The following AEBP2 variants were observed in gnomAD, a reference collection of about 807,000 sequenced individuals.
The protein encoded by AEBP2 is AE binding protein 2, also known as zinc finger protein AEBP2.
Under a neutral mutation model 50.8 loss-of-function variants are expected in AEBP2, and 10 were observed. The observed-to-expected ratio is 0.20, with a 90% CI of 0.12 to 0.33. The LOEUF (loss-of-function observed/expected upper bound fraction) is 0.33. AEBP2 is among the 10% of genes least tolerant of loss of function. AEBP2 has a pLI of 1.00. For missense variants in AEBP2, 570 were observed against 688.0 expected, an observed-to-expected ratio of 0.83 and a Z score of 1.92; for synonymous variants, 296 against 261.3, an observed-to-expected ratio of 1.13 and a Z score of -1.28.
intron 7 of AEBP2, among the ~76,000 whole-genome samples, chr12:19,516,710 T>G (rs61912796): frequency 0.065 from 9,863 of 152,112 alleles, 433 homozygotes; most frequent in South Asian, 0.2. Context: ...TTCTGTAGAT[T>G]TAATTTTCCT....
chr12:19,432,005 TC>T (rs1320651303), intron 1 of AEBP2, among the ~76,000 whole-genome samples: 1 of 152,112 alleles, frequency 6.6e-6, no homozygotes, highest in African/African-American at 2.4e-5. Context: ...CTAAGCTGGG[TC>T]TGTTGCTGGG....
intron 1 of AEBP2, chr12:19,440,876 A>G (rs1947945573): frequency 9.8e-7 from 1 of 1,015,452 alleles, no homozygotes; most frequent in Non-Finnish European, 1.4e-6. Flanking sequence ...TAAACAAAAA[A>G]AGGACTGTTC....
intron 1 of AEBP2, among the ~76,000 whole-genome samples, chr12:19,416,735 G>A (rs779170127): frequency 1.4e-5 from 2 of 144,626 alleles, no homozygotes; most frequent in Non-Finnish European, 3.0e-5. Context: ...GCAATTCTCC[G>A]GGTTCAGGAT....
At chr12:19,511,787 A>T (rs1346974989) in intron 5 of AEBP2, among the ~76,000 whole-genome samples, 2 of 151,350 alleles carry the variant, frequency 1.3e-5, no homozygotes, top group Non-Finnish European at 1.5e-5. Flanking sequence ...CAGAGCTTTT[A>T]CTGAATCTAG....
intron 5 of AEBP2, among the ~76,000 whole-genome samples, chr12:19,503,478 G>GTTGT (rs1022870608): frequency 2.6e-5 from 4 of 152,054 alleles, no homozygotes; most frequent in African/African-American, 7.2e-5. Context: ...CTTTGCTAAA[G>GTTGT]TTGTTTATCA....
At chr12:19,457,135 T>C in intron 1 of AEBP2, 1 of 1,598,648 alleles carries the variant, frequency 6.3e-7, no homozygotes, top group Non-Finnish European at 8.5e-7. Flanking sequence ...AATTTCCTCA[T>C]ATCTCTTCTG....
At chr12:19,436,010 A>G (rs949192561), upstream of AEBP2, among the ~76,000 whole-genome samples, 1 of 152,184 alleles carries the variant, frequency 6.6e-6, no homozygotes, top group Non-Finnish European at 1.5e-5. Context: ...CTGCATTCCC[A>G]GGAGGTTAGG....
chr12:19,518,460 T>G lies in AEBP2; in HGVS notation c.*343T>G, dbSNP rs763793787. 4 of 1,240,810 alleles carry G rather than the reference T, an allele frequency of 3.2e-6. No individual in the cohort carries two copies. The highest frequency in any genetic ancestry group is 4.0e-6 in the Non-Finnish European group (4 of 990,478). 76.9% of individuals were successfully genotyped at this position (1,240,810 alleles called of 1,614,324 possible). A position where few individuals can be genotyped will look rare whatever the true frequency, so the allele number is the denominator to read the frequency against. ...CTGCTTTTTTTTTTCTTTTCTTCCCTTTAGTGATTTCAGTAGTTTATATTG... is the reference window on the plus strand; with the variant it reads ...CTGCTTTTTTTTTTCTTTTCTTCCCGTTAGTGATTTCAGTAGTTTATATTG... On this transcript the variant is annotated 3_prime_UTR_variant, in exon 8 of 8. Transcript: ENST00000266508.
At chr12:19,506,456 A>G (rs1250106263) in intron 5 of AEBP2, among the ~76,000 whole-genome samples, 1 of 152,166 alleles carries the variant, frequency 6.6e-6, no homozygotes, top group African/African-American at 2.4e-5. Context: ...TTGAGGTACA[A>G]TTTATATATA....
At position 19,485,682 on chromosome 12, in the gene AEBP2, CAGAGAGAG is replaced by C. The variant is rs370301903; in HGVS notation, c.988-8108_988-8101del. Among the ~76,000 whole-genome samples, 5 of 123,334 alleles carry C rather than the reference CAGAGAGAG, an allele frequency of 4.1e-5. No individual in the cohort carries two copies. The South Asian group carries it at 1.3e-3, about 31-fold the overall frequency. The allele number at this position is 123,334 out of a possible 152,430, so 80.9% of individuals were successfully genotyped here. A position where few individuals can be genotyped will look rare whatever the true frequency, so the allele number is the denominator to read the frequency against. On this transcript the variant is annotated intron_variant, in intron 3 of 7. Coordinates refer to ENST00000266508, the MANE Select transcript of AEBP2 (RefSeq NM_153207.5). ...TGAGACTGCACTCCAGCCTGGGTGA[CAGAGAGAG>C]AGAGAGAGACCCTGTCTCAAAAAAA... is the stretch of plus-strand genomic sequence containing the variant.
chr12:19,495,751 C>G (rs927659399), intron 4 of AEBP2, among the ~76,000 whole-genome samples: 2 of 151,802 alleles, frequency 1.3e-5, no homozygotes, highest in Non-Finnish European at 2.9e-5. Context: ...TCTGTGTTCT[C>G]CAGGCTGGTC....
chr12:19,459,346 C>T (rs192240098), intron 1 of AEBP2, among the ~76,000 whole-genome samples: 14 of 152,148 alleles, frequency 9.2e-5, no homozygotes, highest in Admixed American at 8.5e-4. Flanking sequence ...ATTCTCCTGC[C>T]TTAGCCTCCT....
chr12:19,497,989 G>C (rs1193473218), intron 4 of AEBP2, among the ~76,000 whole-genome samples: 1 of 152,164 alleles, frequency 6.6e-6, no homozygotes, highest in Non-Finnish European at 1.5e-5. Context: ...ACCTACTTTG[G>C]AACTACTGTT....
chr12:19,416,993 T>A (rs1322457931), intron 1 of AEBP2, among the ~76,000 whole-genome samples: 1 of 151,916 alleles, frequency 6.6e-6, no homozygotes, highest in Non-Finnish European at 1.5e-5. Flanking sequence ...TGCCTCAGCC[T>A]CCTGAGTAGC....
intron 3 of AEBP2, among the ~76,000 whole-genome samples, chr12:19,489,921 C>T (rs1592762821): frequency 7.4e-6 from 1 of 136,046 alleles, no homozygotes; most frequent in African/African-American, 2.7e-5. Flanking sequence ...AAAGATAAAA[C>T]AATTTTCTGT....
intron 4 of AEBP2, among the ~76,000 whole-genome samples, chr12:19,494,948 C>G (rs1304388696): frequency 6.6e-6 from 1 of 151,998 alleles, no homozygotes; most frequent in Non-Finnish European, 1.5e-5. Flanking sequence ...ACACTGTCGC[C>G]CAGGCTGGAG....
chr12:19,450,193 G>A (rs1459572465), intron 1 of AEBP2, among the ~76,000 whole-genome samples: 2 of 151,804 alleles, frequency 1.3e-5, no homozygotes, highest in Admixed American at 6.6e-5. Context: ...TTTGTCCTTC[G>A]TAAGTAGAAA....
At chr12:19,488,355 T>G (rs1948845236) in intron 3 of AEBP2, among the ~76,000 whole-genome samples, 1 of 150,562 alleles carries the variant, frequency 6.6e-6, no homozygotes, top group African/African-American at 2.4e-5. Flanking sequence ...CTCGAGCTCC[T>G]GGGCTTAATC....
At chr12:19,486,501 C>T (rs1690591692) in intron 3 of AEBP2, among the ~76,000 whole-genome samples, 1 of 152,034 alleles carries the variant, frequency 6.6e-6, no homozygotes, top group African/African-American at 2.4e-5. Context: ...AGGTGTTACT[C>T]ATACTACAGT....
Sources: allele counts gnomAD v4.1 joint callset (sites outside exome capture counted in the v4.1 genomes callset), GRCh38; gene constraint gnomAD v4.1.1; transcripts MANE v1.5; gene names NCBI Gene and HGNC (gene_info 2026-07-23, HGNC 2026-07-21).